The following KCNT1 variants were observed in gnomAD, a reference collection of about 807,000 sequenced individuals.
The protein encoded by KCNT1 is potassium sodium-activated channel subfamily T member 1.
A neutral mutation model predicts 147.8 loss-of-function variants in KCNT1; 78 were observed. The ratio of observed to expected loss-of-function variants is 0.53; its 90% CI spans 0.44 to 0.64. KCNT1 has a LOEUF of 0.64. Ranked by LOEUF, KCNT1 falls within the 30% of genes least tolerant of loss-of-function variation. KCNT1 has a pLI of 0.00. For synonymous variants in KCNT1, 867 were observed against 748.8 expected (o/e 1.16, Z -2.58); for missense variants, 1,419 against 1,750.3 (o/e 0.81, Z 3.38).
intron 2 of KCNT1, among the ~76,000 whole-genome samples, chr9:135,722,194 G>T (rs1360361070): frequency 6.6e-6 from 1 of 152,114 alleles, no homozygotes; most frequent in African/African-American, 2.4e-5. Flanking sequence ...TGACTCAAGC[G>T]GGGGGCCTCT....
Position 135,779,458 on chromosome 9 carries a change from C to T in KCNT1, c.2829C>T (p.Ser943=), listed in dbSNP as rs1449494861. 1.2e-6 allele frequency: 2 copies of T among 1,611,952 alleles called. No individual in the cohort carries two copies. The highest frequency in any genetic ancestry group is 2.7e-5 in the African/African-American group (2 of 74,900). ...AGGACAGCTACTCTCTGGCTCTTTC[C>T]AAACTAGAAAAGGTGAGCAGCCCTG... ...RAKDSYSLAL[S]KLEKRERENG... The change falls in exon 24 of 31, where the codon TCC becomes TCT. Residue 943 remains serine, a synonymous_variant. Coordinates refer to ENST00000371757, the MANE Select transcript of KCNT1 (RefSeq NM_020822.3).
intron 20 of KCNT1, among the ~76,000 whole-genome samples, chr9:135,776,220 G>A (rs754261512): frequency 1.3e-5 from 2 of 152,150 alleles, no homozygotes; most frequent in East Asian, 1.9e-4. Flanking sequence ...TCGACCCAGC[G>A]GCTTCAACAT....
At chr9:135,724,143 AG>A (rs1211828897) in intron 2 of KCNT1, among the ~76,000 whole-genome samples, 4 of 150,838 alleles carry the variant, frequency 2.7e-5, no homozygotes, top group African/African-American at 9.9e-5. Context: ...CGAGAGGCAC[AG>A]GGGGAGGGCA....
intron 2 of KCNT1, among the ~76,000 whole-genome samples, chr9:135,737,706 G>A (rs1322709597): frequency 6.6e-6 from 1 of 152,146 alleles, no homozygotes; most frequent in Non-Finnish European, 1.5e-5. Flanking sequence ...GGCAGAGCAG[G>A]GCCTGGCAGA....
Position 135,702,219 on chromosome 9 carries a change from C to G in KCNT1, c.-40C>G, listed in dbSNP as rs908377945. 6 of 1,468,506 alleles carry G rather than the reference C, an allele frequency of 4.1e-6. No individual in the cohort carries two copies. The South Asian group carries it at 5.8e-5, about 14-fold the overall frequency. 91.0% of individuals were successfully genotyped at this position (1,468,506 alleles called of 1,614,324 possible). ...CGAGGGAAGAAGGTGGCGGCTCCCACTCGCTTCTCCCTCGGGTCGGGTCCG... is the reference window on the plus strand; with the variant it reads ...CGAGGGAAGAAGGTGGCGGCTCCCAGTCGCTTCTCCCTCGGGTCGGGTCCG... On this transcript the variant is annotated 5_prime_UTR_variant, in exon 1 of 31. Coordinates refer to ENST00000371757, the MANE Select transcript of KCNT1 (RefSeq NM_020822.3).
At position 135,770,377 on chromosome 9, in the gene KCNT1, G is replaced by A; in HGVS notation, c.1699G>A (p.Gly567Ser). Residue 567 changes from glycine to serine, a missense_variant, in exon 17 of 31, where the codon GGT (glycine) becomes AGT (serine). Coordinates refer to ENST00000371757, the MANE Select transcript of KCNT1 (RefSeq NM_020822.3). ...CAACGAGGTGTACCACATCCGCATG[G>A]GTGACAGCAAGTTCTTCCGCGAGTA... The part of the protein sequence containing the change: ...SGNEVYHIRM[G>S]DSKFFREYEG... 3 of 1,613,284 alleles carry A rather than the reference G, an allele frequency of 1.9e-6. No individual in the cohort carries two copies. The highest frequency in any genetic ancestry group is 2.5e-6 in the Non-Finnish European group (3 of 1,179,806).
At chr9:135,779,582 C>CA in intron 24 of KCNT1, 112 bp downstream of exon 24, 1 of 789,802 alleles carries the variant, frequency 1.3e-6, no homozygotes, top group Non-Finnish European at 2.1e-6. Flanking sequence ...TCCTGCCGCC[C>CA]TCCTGCTGGG....
rs1399256178 is a variant in KCNT1 at position 135,757,283 on chromosome 9, CT to C, written c.676-14del. ...CGGGCCCTGGAGCCCCAGCCCTGAC[CT>C]GTCCCCTTCACAGATCTTCTGGCCG... is the stretch of plus-strand genomic sequence containing the variant. On this transcript the variant is annotated splice_polypyrimidine_tract_variant and intron_variant, in intron 8 of 30. Coordinates refer to ENST00000371757, the MANE Select transcript of KCNT1 (RefSeq NM_020822.3). The C allele has an allele frequency of 6.2e-7, 1 of 1,612,774 alleles. No individual in the cohort carries two copies.
chr9:135,767,771 G>A (rs921083096), intron 13 of KCNT1, among the ~76,000 whole-genome samples: 2 of 152,042 alleles, frequency 1.3e-5, no homozygotes, highest in East Asian at 1.9e-4. Context: ...CCCCTCGCAC[G>A]ACCTCCTGAT....
rs772240955 is a variant in KCNT1, at chr9:135,786,190, TGCCCA to T, written c.3178-5_3178-1del. ...CTCCCCGCCCTGCCCTGCCCTGCCC[TGCCCA>T]GTCCCAGATCTCGGTGAACGTGGAG... On this transcript the variant is annotated splice_acceptor_variant and splice_polypyrimidine_tract_variant and intron_variant, in intron 28 of 30. Coordinates refer to ENST00000371757, the MANE Select transcript of KCNT1 (RefSeq NM_020822.3). LOFTEE classifies it high-confidence loss of function. 1.6e-6 allele frequency: 2 copies of T among 1,253,986 alleles called. No individual in the cohort carries two copies. The highest frequency in any genetic ancestry group is 1.8e-5 in the Admixed American group (1 of 55,610). 77.7% of individuals were successfully genotyped at this position (1,253,986 alleles called of 1,614,324 possible).
Position 135,792,209 on chromosome 9 carries a change from A to G in KCNT1, c.*48A>G. 2 of 1,576,968 alleles carry G rather than the reference A, an allele frequency of 1.3e-6. No individual in the cohort carries two copies. The highest frequency in any genetic ancestry group is 1.7e-6 in the Non-Finnish European group (2 of 1,164,364). Reference sequence around the variant, plus strand: ...GCCACCAAGCCCGGGGTCCTCAGGAAGGACGTGGAGGAGCGTGTGAGGACA... The same window carrying G: ...GCCACCAAGCCCGGGGTCCTCAGGAGGGACGTGGAGGAGCGTGTGAGGACA... On this transcript the variant is annotated 3_prime_UTR_variant, in exon 31 of 31. Transcript: ENST00000371757.
chr9:135,719,166 G>C (rs558487385), intron 2 of KCNT1, among the ~76,000 whole-genome samples: 1 of 152,348 alleles, frequency 6.6e-6, no homozygotes, highest in African/African-American at 2.4e-5. Context: ...GGCCCTCCCA[G>C]CCAGAGCCAG....
intron 20 of KCNT1, among the ~76,000 whole-genome samples, chr9:135,776,524 C>T (rs1042475113): frequency 1.3e-5 from 2 of 152,192 alleles, no homozygotes; most frequent in Non-Finnish European, 2.9e-5. Flanking sequence ...ACCTCGGCCT[C>T]CCAAAGTGCT....
chr9:135,783,310 G>A (rs765846033), intron 24 of KCNT1, among the ~76,000 whole-genome samples: 1 of 152,186 alleles, frequency 6.6e-6, no homozygotes, highest in African/African-American at 2.4e-5. Context: ...GAAGCTGCAC[G>A]GCCAGCTCAG....
chr9:135,713,665 C>T (rs1835597071), intron 1 of KCNT1, among the ~76,000 whole-genome samples: 1 of 152,224 alleles, frequency 6.6e-6, no homozygotes, highest in East Asian at 1.9e-4. Flanking sequence ...CCCCCCTCTG[C>T]TCTCCTGCTG....
chr9:135,727,680 T>C (rs1836275825), intron 2 of KCNT1, among the ~76,000 whole-genome samples: 1 of 152,232 alleles, frequency 6.6e-6, no homozygotes, highest in Non-Finnish European at 1.5e-5. Flanking sequence ...CAAAGGCCAC[T>C]CTGCATCCCG....
chr9:135,712,993 A>G (rs893894721), intron 1 of KCNT1, among the ~76,000 whole-genome samples: 2 of 152,170 alleles, frequency 1.3e-5, no homozygotes, highest in Non-Finnish European at 2.9e-5. Flanking sequence ...TGACTCCTGA[A>G]GCAAGCCAAG....
intron 2 of KCNT1, among the ~76,000 whole-genome samples, chr9:135,735,090 G>A (rs1830280489): frequency 6.6e-6 from 1 of 152,218 alleles, no homozygotes; most frequent in African/African-American, 2.4e-5. Flanking sequence ...CCCAACACCA[G>A]GGGCTGGCAG....
intron 2 of KCNT1, among the ~76,000 whole-genome samples, chr9:135,731,298 C>T (rs904404592): frequency 4.6e-5 from 7 of 152,166 alleles, no homozygotes; most frequent in Non-Finnish European, 1.0e-4. Flanking sequence ...GAATCTCAGT[C>T]GCCTGGCGTG....
Sources: gnomAD v4.1 joint callset for allele counts (sites outside exome capture counted in the v4.1 genomes callset) on GRCh38, gnomAD v4.1.1 for gene constraint, MANE v1.5 for transcripts, NCBI Gene and HGNC (gene_info 2026-07-23, HGNC 2026-07-21) for gene names.